TBXAS1: variants seen among roughly 807,000 people sequenced by gnomAD.
TBXAS1 encodes the protein thromboxane A synthase 1.
In TBXAS1, 48 loss-of-function variants were observed where a neutral mutation model predicts 60.7. The observed-to-expected ratio is 0.79, with a 90% CI of 0.63 to 1.01. The LOEUF (loss-of-function observed/expected upper bound fraction) is 1.01. Ranked by LOEUF, TBXAS1 falls within the 50% of genes least tolerant of loss-of-function variation. The probability of loss-of-function intolerance (pLI) is 0.00; values close to 1 mark genes in which losing one functional copy is unlikely to be tolerated. For synonymous variants in TBXAS1, 287 were observed against 269.7 expected (o/e 1.06, Z -0.63); for missense variants, 685 against 686.3 (o/e 1.00, Z 0.02).
intron 1 of TBXAS1, among the ~76,000 whole-genome samples, chr7:139,840,001 A>AAG (rs1554472322): frequency 6.6e-6 from 1 of 151,758 alleles, no homozygotes; most frequent in Non-Finnish European, 1.5e-5. Flanking sequence ...AAAAAAAAAA[A>AAG]AGAGATTTCA....
chr7:139,957,507 CG>C lies in TBXAS1; in HGVS notation c.689-123del, dbSNP rs1809958598. ...CCTGCTCTCAGAAGCAGCAGTGCGG[CG>C]GGGAGGGCAGGACTCCAAAACGGCT... is the stretch of plus-strand genomic sequence containing the variant. On this transcript the variant is annotated intron_variant, in intron 7 of 12. Coordinates refer to ENST00000448866, the MANE Select transcript of TBXAS1 (RefSeq NM_001061.7). 6.7e-6 allele frequency: 8 copies of C among 1,200,964 alleles called. No individual in the cohort carries two copies. The Admixed American group carries it at 1.4e-4, about 22-fold the overall frequency. 74.4% of individuals were successfully genotyped at this position (1,200,964 alleles called of 1,614,324 possible).
intron 2 of TBXAS1, among the ~76,000 whole-genome samples, chr7:139,873,747 C>T (rs997663167): frequency 1.7e-4 from 26 of 152,082 alleles, no homozygotes; most frequent in Admixed American, 3.3e-4. Flanking sequence ...TTATGGTCTA[C>T]GGTTATTTTT....
At chr7:139,946,268 A>C (rs1808707095) in intron 5 of TBXAS1, among the ~76,000 whole-genome samples, 1 of 152,214 alleles carries the variant, frequency 6.6e-6, no homozygotes, top group Admixed American at 6.5e-5. Context: ...TGAGCCCAGG[A>C]GGGCAAGGAT....
At chr7:139,817,943 T>C (rs1447093621) in intron 4 of TBXAS1, among the ~76,000 whole-genome samples, 4 of 152,246 alleles carry the variant, frequency 2.6e-5, no homozygotes, top group East Asian at 1.9e-4. Flanking sequence ...TGTTACCTGA[T>C]GGCAGCTACC....
chr7:139,974,113 AC>A (rs1241839207), intron 9 of TBXAS1, among the ~76,000 whole-genome samples: 1 of 152,100 alleles, frequency 6.6e-6, no homozygotes, highest in Non-Finnish European at 1.5e-5. Context: ...TAAACTCCTC[AC>A]CTCCCTGGCT....
rs983854633 is a variant in TBXAS1 at position 140,017,840 on chromosome 7, C to G, written c.1527+7C>G. The G allele has an allele frequency of 1.2e-6, 2 of 1,614,024 alleles. No individual in the cohort carries two copies. Among genetic ancestry groups the G allele is most frequent in the Admixed American group, 1.7e-5 (1 of 60,028 alleles). On this transcript the variant is annotated splice_region_variant and intron_variant, in intron 12 of 12. Transcript: ENST00000448866. The stretch of plus-strand genomic sequence containing the variant: ...AGCCTGCCCTGAGACCCAGGTGAGG[C>G]CCCCCTGCTCAGAGGCAGGGGCAGG...
At chr7:139,966,668 T>G (rs1271741747) in intron 9 of TBXAS1, among the ~76,000 whole-genome samples, 1 of 152,236 alleles carries the variant, frequency 6.6e-6, no homozygotes, top group Non-Finnish European at 1.5e-5. Context: ...CTCCTTTCCC[T>G]GTCCGTGATG....
At chr7:139,966,666 C>T (rs1457800737) in intron 9 of TBXAS1, among the ~76,000 whole-genome samples, 1 of 152,160 alleles carries the variant, frequency 6.6e-6, no homozygotes, top group Non-Finnish European at 1.5e-5. Flanking sequence ...ATCTCCTTTC[C>T]CTGTCCGTGA....
At position 139,975,635 on chromosome 7, in the gene TBXAS1, G is replaced by A. The variant is rs1410664554; in HGVS notation, c.1134+13402G>A. On this transcript the variant is annotated intron_variant, in intron 9 of 12. Coordinates refer to ENST00000448866, the MANE Select transcript of TBXAS1 (RefSeq NM_001061.7). The surrounding 1 kb of genome is among the most constrained non-coding windows in gnomAD (Gnocchi z 4.4). ...CAGCCCTGTCCTCGCCACAGTGCCC[G>A]CATCTTCATTGGTTCACCTTTGCAG... Among the ~76,000 whole-genome samples the A allele has an allele frequency of 2.0e-5, 3 of 152,134 alleles. No individual in the cohort carries two copies. The highest frequency in any genetic ancestry group is 4.4e-5 in the Non-Finnish European group (3 of 68,016).
chr7:139,964,534 C>T (rs1372368141), intron 9 of TBXAS1, among the ~76,000 whole-genome samples: 1 of 152,216 alleles, frequency 6.6e-6, no homozygotes, highest in Non-Finnish European at 1.5e-5. Context: ...GCTTAGCATG[C>T]TGTCCCAGGA....
intron 4 of TBXAS1, among the ~76,000 whole-genome samples, chr7:139,816,991 G>T (rs1224125388): frequency 2.0e-5 from 3 of 152,136 alleles, no homozygotes; most frequent in Non-Finnish European, 4.4e-5. Context: ...GGTCTGATTT[G>T]CAGAGTCAGG....
At chr7:139,821,573 C>A (rs1409285771) in intron 4 of TBXAS1, among the ~76,000 whole-genome samples, 1 of 152,222 alleles carries the variant, frequency 6.6e-6, no homozygotes, top group Non-Finnish European at 1.5e-5. Context: ...TGAAGCAGAG[C>A]GATAGCTCTG....
rs544167547 is a variant in TBXAS1, at chr7:139,971,332, C to T, written c.1134+9099C>T. On this transcript the variant is annotated intron_variant, in intron 9 of 12. Transcript: ENST00000448866. ...TGGAAGTTAAGTTTTGTGGTCACTG[C>T]TACCAACACACCAACTCCCAGGACA... Among the ~76,000 whole-genome samples the T allele has an allele frequency of 3.9e-5, 6 of 152,272 alleles. No individual in the cohort carries two copies. In the South Asian group the frequency reaches 1.2e-3, roughly 32 times the overall value.
chr7:139,904,905 T>C (rs1804850668), intron 3 of TBXAS1, among the ~76,000 whole-genome samples: 1 of 152,136 alleles, frequency 6.6e-6, no homozygotes, highest in Non-Finnish European at 1.5e-5. Context: ...ACAGTTTGAC[T>C]TCCTCTTTAG....
At chr7:140,000,206 A>G (rs932492974) in intron 9 of TBXAS1, among the ~76,000 whole-genome samples, 2 of 152,234 alleles carry the variant, frequency 1.3e-5, no homozygotes, top group Non-Finnish European at 2.9e-5. Context: ...ATTTAAATGT[A>G]TTTAAATATT....
chr7:139,797,717 G>T (rs1034480611), intron 4 of TBXAS1, among the ~76,000 whole-genome samples: 2 of 152,166 alleles, frequency 1.3e-5, no homozygotes, highest in Admixed American at 6.5e-5. Flanking sequence ...GACGAATGAA[G>T]TAAAGGGTCA....
chr7:139,864,450 T>C (rs1801201341), intron 1 of TBXAS1, among the ~76,000 whole-genome samples: 1 of 152,156 alleles, frequency 6.6e-6, no homozygotes, highest in Non-Finnish European at 1.5e-5. Context: ...AATGTATACA[T>C]TTAATGCAAT....
At chr7:139,846,248 C>T (rs75189593) in intron 1 of TBXAS1, among the ~76,000 whole-genome samples, 2,653 of 152,260 alleles carry the variant, frequency 0.017, 31 homozygotes, top group Middle Eastern at 0.031. Flanking sequence ...CCCTTGAAAA[C>T]GCACTAAAAA....
intron 4 of TBXAS1, among the ~76,000 whole-genome samples, chr7:139,818,059 C>G (rs188304065): frequency 1.3e-5 from 2 of 152,300 alleles, no homozygotes; most frequent in Non-Finnish European, 2.9e-5. Flanking sequence ...ATTGTTGAAC[C>G]AGATATAACT....
Sources: allele counts gnomAD v4.1 joint callset (sites outside exome capture counted in the v4.1 genomes callset), GRCh38; gene constraint gnomAD v4.1.1; non-coding constraint Gnocchi (gnomAD v3.1); transcripts MANE v1.5; gene names NCBI Gene and HGNC (gene_info 2026-07-23, HGNC 2026-07-21).